Variants in AXDND1 observed in about 807,000 individuals in gnomAD.
The protein encoded by AXDND1 is axonemal dynein light chain domain containing 1.
Under a neutral mutation model 137.5 loss-of-function variants are expected in AXDND1, and 110 were observed. The observed-to-expected ratio is 0.80, with a 90% CI of 0.69 to 0.94. AXDND1 has a LOEUF of 0.94. AXDND1 is among the 40% of genes least tolerant of loss of function. The probability of loss-of-function intolerance (pLI) is 0.00; values close to 1 mark genes in which losing one functional copy is unlikely to be tolerated. For missense variants in AXDND1, 1,191 were observed against 1,169.8 expected, an observed-to-expected ratio of 1.02 and a Z score of -0.26; for synonymous variants, 414 against 399.7, an observed-to-expected ratio of 1.04 and a Z score of -0.43.
At chr1:179,418,756 C>T (rs1655138915) in intron 12 of AXDND1, among the ~76,000 whole-genome samples, 2 of 151,964 alleles carry the variant, frequency 1.3e-5, no homozygotes, top group African/African-American at 2.4e-5. Flanking sequence ...GGCTGCCGGG[C>T]GGAGACGCTC....
At chr1:179,449,693 T>C (rs1313971117) in intron 16 of AXDND1, 1 of 152,140 alleles carries the variant, frequency 6.6e-6, no homozygotes, top group East Asian at 1.9e-4. Flanking sequence ...CTCTTAACAA[T>C]GTTTTATAGT....
intron 20 of AXDND1, among the ~76,000 whole-genome samples, chr1:179,499,201 T>G (rs866898390): frequency 1.3e-5 from 2 of 152,066 alleles, no homozygotes. Flanking sequence ...TAAATGTCCA[T>G]CAATTGCGAC....
intron 23 of AXDND1, among the ~76,000 whole-genome samples, chr1:179,529,632 T>C (rs1034593796): frequency 2.0e-5 from 3 of 152,176 alleles, no homozygotes; most frequent in African/African-American, 2.4e-5. Context: ...GTTATGTAGA[T>C]GAAGTCTCCC....
At chr1:179,446,594 A>T (rs544641320) in intron 16 of AXDND1, among the ~76,000 whole-genome samples, 103 of 152,302 alleles carry the variant, frequency 6.8e-4, no homozygotes, top group African/African-American at 2.1e-3. Context: ...ACTTCTTTTT[A>T]AAAAATGTCC....
intron 6 of AXDND1, among the ~76,000 whole-genome samples, chr1:179,382,270 G>T (rs1489146250): frequency 6.6e-6 from 1 of 151,690 alleles, no homozygotes; most frequent in East Asian, 1.9e-4. Context: ...TAGTAGAGAC[G>T]GGGCTTCATC....
intron 16 of AXDND1, among the ~76,000 whole-genome samples, chr1:179,465,923 G>T (rs377088146): frequency 8.3e-4 from 126 of 152,332 alleles, no homozygotes; most frequent in South Asian, 7.5e-3. Context: ...CTCTGAGCCA[G>T]GCGCGGGATA....
chr1:179,501,321 T>C (rs980502542), intron 20 of AXDND1, among the ~76,000 whole-genome samples: 16 of 152,206 alleles, frequency 1.1e-4, no homozygotes, highest in Admixed American at 2.0e-4. Flanking sequence ...GATGGACAAC[T>C]ATGTCAATGG....
At chr1:179,544,468 A>C (rs1672456262) in intron 25 of AXDND1, 1 of 152,094 alleles carries the variant, frequency 6.6e-6, no homozygotes. Context: ...GAGGTGAAGA[A>C]TTCGAGACCA....
At chr1:179,459,908 T>G (rs1662028202) in intron 16 of AXDND1, among the ~76,000 whole-genome samples, 2 of 142,742 alleles carry the variant, frequency 1.4e-5, no homozygotes, top group Non-Finnish European at 3.0e-5. Context: ...CTTTCATTCC[T>G]TTTCTTTCTC....
chr1:179,463,767 G>T (rs570278359), intron 16 of AXDND1, among the ~76,000 whole-genome samples: 27 of 152,180 alleles, frequency 1.8e-4, no homozygotes, highest in Admixed American at 9.2e-4. Context: ...TCTCTTTGTA[G>T]GTCTCTAAGG....
chr1:179,457,990 C>CTTTTTTTT (rs34295838), intron 16 of AXDND1, among the ~76,000 whole-genome samples: 3 of 145,546 alleles, frequency 2.1e-5, no homozygotes, highest in African/African-American at 7.7e-5. Flanking sequence ...CTTTCCTTCT[C>CTTTTTTTT]TTTTTTTTTT....
Position 179,367,621 on chromosome 1 carries a change from C to G in AXDND1, c.97+1015C>G, listed in dbSNP as rs1225307154. On this transcript the variant is annotated intron_variant, in intron 2 of 25. Transcript: ENST00000367618. Reference sequence around the variant, plus strand: ...GTGTGGTGGCACTCGCCTGTAATCCCAGCTACTCGGCAGGCTGAGGCAGGA... The same window carrying G: ...GTGTGGTGGCACTCGCCTGTAATCCGAGCTACTCGGCAGGCTGAGGCAGGA... Among the ~76,000 whole-genome samples, 5 of 152,190 alleles carry G rather than the reference C, an allele frequency of 3.3e-5. No individual in the cohort carries two copies. In the East Asian group the frequency reaches 9.7e-4, roughly 29 times the overall value.
At chr1:179,443,513 T>G (rs1659302366) in intron 15 of AXDND1, among the ~76,000 whole-genome samples, 1 of 152,176 alleles carries the variant, frequency 6.6e-6, no homozygotes, top group Non-Finnish European at 1.5e-5. Context: ...GGACTTTTTC[T>G]TTTCCCCAAA....
At chr1:179,466,436 T>A (rs1208183406) in intron 16 of AXDND1, among the ~76,000 whole-genome samples, 1 of 150,984 alleles carries the variant, frequency 6.6e-6, no homozygotes, top group Non-Finnish European at 1.5e-5. Flanking sequence ...TAATGGTTAT[T>A]TTCTAAGAAT....
In AXDND1 at chr1:179,382,722, G is replaced by T; in HGVS notation, c.604G>T (p.Asp202Tyr). 6.2e-7 allele frequency: 1 copy of T among 1,603,772 alleles called. No homozygotes were observed. Among genetic ancestry groups the T allele is most frequent in the South Asian group, 1.1e-5 (1 of 90,702 alleles). ...YDDKYTTLLTDSENRLLLFPS... is the reference protein window; with the variant it reads ...YDDKYTTLLTYSENRLLLFPS... Reference sequence around the variant, plus strand: ...TAGCAAATACACTACTCTCCTCACAGATAGTGAAAACAGGCTATTGCTCTT... The same window carrying T: ...TAGCAAATACACTACTCTCCTCACATATAGTGAAAACAGGCTATTGCTCTT... The change falls in exon 7 of 26, where the codon GAT becomes TAT. Residue 202 changes from aspartate to tyrosine, a missense_variant. By Grantham distance (160) the Asp-to-Tyr change is radical. Coordinates refer to ENST00000367618, the MANE Select transcript of AXDND1 (RefSeq NM_144696.6).
chr1:179,433,312 T>A (rs1306996178), intron 15 of AXDND1, among the ~76,000 whole-genome samples: 1 of 152,132 alleles, frequency 6.6e-6, no homozygotes, highest in Non-Finnish European at 1.5e-5. Flanking sequence ...TCAAAAAAAA[T>A]AGCTCCTGGA....
At chr1:179,522,834 T>C (rs1225360136) in intron 21 of AXDND1, among the ~76,000 whole-genome samples, 1 of 84,238 alleles carries the variant, frequency 1.2e-5, no homozygotes, top group Non-Finnish European at 3.0e-5. Flanking sequence ...TCCTAATTTT[T>C]TAGTCACATT....
intron 17 of AXDND1, among the ~76,000 whole-genome samples, chr1:179,480,913 T>C (rs1665283501): frequency 7.5e-6 from 1 of 134,004 alleles, no homozygotes; most frequent in South Asian, 2.5e-4. Flanking sequence ...TTTTGTTTGT[T>C]TGTTTTTGCT....
chr1:179,539,017 C>A (rs896219508), intron 25 of AXDND1, among the ~76,000 whole-genome samples: 2 of 151,756 alleles, frequency 1.3e-5, no homozygotes, highest in Non-Finnish European at 2.9e-5. Flanking sequence ...ATTTCAACCC[C>A]TTTTTTTTGT....
Sources: gnomAD v4.1 joint callset for allele counts (sites outside exome capture counted in the v4.1 genomes callset) on GRCh38, gnomAD v4.1.1 for gene constraint, MANE v1.5 for transcripts, NCBI Gene and HGNC (gene_info 2026-07-23, HGNC 2026-07-21) for gene names.